TRIM2: variants seen among roughly 807,000 people sequenced by gnomAD.
TRIM2 encodes the protein tripartite motif containing 2, also known as tripartite motif-containing protein 2.
Under a neutral mutation model 75.2 loss-of-function variants are expected in TRIM2, and 20 were observed. The ratio of observed to expected loss-of-function variants is 0.27; its 90% CI spans 0.19 to 0.39. TRIM2 has a LOEUF of 0.39. TRIM2 is among the 10% of genes least tolerant of loss of function. The pLI is 1.00. For synonymous variants in TRIM2, 373 were observed against 388.3 expected (o/e 0.96, Z 0.46); for missense variants, 660 against 990.8 (o/e 0.67, Z 4.48).
chr4:153,170,135 G>T (rs1730695846), intron 1 of TRIM2, among the ~76,000 whole-genome samples: 1 of 152,122 alleles, frequency 6.6e-6, no homozygotes, highest in African/African-American at 2.4e-5. Flanking sequence ...AGAAGGAGAA[G>T]GAGGAGGAAG....
intron 3 of TRIM2, among the ~76,000 whole-genome samples, chr4:153,279,896 T>C (rs527532652): frequency 6.6e-6 from 1 of 151,040 alleles, no homozygotes; most frequent in East Asian, 1.9e-4. Flanking sequence ...TGAGCCAAGA[T>C]TGTGCCACTG....
intron 6 of TRIM2, among the ~76,000 whole-genome samples, chr4:153,305,762 C>A (rs954456285): frequency 6.6e-6 from 1 of 152,160 alleles, no homozygotes; most frequent in Non-Finnish European, 1.5e-5. Flanking sequence ...ACACAATAAC[C>A]CCTTAAAAGC....
At chr4:153,244,173 T>TCTGCTTCTGCTTCTG (rs1560872410) in intron 1 of TRIM2, among the ~76,000 whole-genome samples, 42 of 139,970 alleles carry the variant, frequency 3.0e-4, no homozygotes, top group African/African-American at 1.2e-3. Context: ...TTCTTCTTCT[T>TCTGCTTCTGCTTCTG]CTTCTTCTCC....
intron 1 of TRIM2, among the ~76,000 whole-genome samples, chr4:153,221,986 GGGAGA>G (rs1740486509): frequency 9.3e-5 from 5 of 53,630 alleles, no homozygotes; most frequent in Non-Finnish European, 1.5e-4. Context: ...AAGGAAGGAA[GGGAGA>G]GAGGAAGGAA....
upstream of TRIM2, among the ~76,000 whole-genome samples, chr4:153,202,991 G>T (rs1420171354): frequency 6.6e-6 from 1 of 151,004 alleles, no homozygotes; most frequent in Non-Finnish European, 1.5e-5. Context: ...TGTAGTCCCA[G>T]CTACTCAGGA....
At position 153,244,400 on chromosome 4, in the gene TRIM2, TTCTTCTTCTTCTTC is replaced by T. The variant is rs1560875027; in HGVS notation, c.31-25933_31-25920del. Among the ~76,000 whole-genome samples, 21 of 79,386 alleles carry T rather than the reference TTCTTCTTCTTCTTC, an allele frequency of 2.6e-4. 4 individuals are homozygous for T. The highest frequency in any genetic ancestry group is 1.5e-3 in the African/African-American group (18 of 11,796). 52.1% of individuals were successfully genotyped at this position (79,386 alleles called of 152,430 possible). On this transcript the variant is annotated intron_variant, in intron 1 of 11. Transcript: ENST00000338700. ...CTTCTTCTTCTTCTTCTTCTTCTTCTTCTTCTTCTTCTTCTTCTTCTTCTTCTTCTTCTTCTTTT... is the reference window on the plus strand; with the variant it reads ...CTTCTTCTTCTTCTTCTTCTTCTTCTTTCTTCTTCTTCTTCTTCTTCTTTT...
At chr4:153,289,844 A>G (rs1761469879) in intron 3 of TRIM2, among the ~76,000 whole-genome samples, 1 of 152,114 alleles carries the variant, frequency 6.6e-6, no homozygotes, top group Non-Finnish European at 1.5e-5. Flanking sequence ...TTGACTAAGC[A>G]CTGTTAATGT....
At chr4:153,221,665 A>AAGGGAGGAAGGTAAGGAAGGAAGGATGG (rs1176653140) in intron 1 of TRIM2, among the ~76,000 whole-genome samples, 1 of 151,738 alleles carries the variant, frequency 6.6e-6, no homozygotes, top group African/African-American at 2.4e-5. Flanking sequence ...CAGATGAAGG[A>AAGGGAGGAAGGTAAGGAAGGAAGGATGG]AGGGAGGAAG....
At chr4:153,329,588 C>A (rs1237170788) in intron 11 of TRIM2, among the ~76,000 whole-genome samples, 1 of 151,802 alleles carries the variant, frequency 6.6e-6, no homozygotes, top group African/African-American at 2.4e-5. Flanking sequence ...TTAATCCCAG[C>A]ACTTTGGGAG....
chr4:153,239,149 G>A (rs185440637), intron 1 of TRIM2, among the ~76,000 whole-genome samples: 16 of 152,190 alleles, frequency 1.1e-4, no homozygotes, highest in African/African-American at 3.1e-4. Flanking sequence ...TCAGATGATC[G>A]AGACCATCCT....
chr4:153,277,298 G>T (rs917337292), intron 3 of TRIM2, among the ~76,000 whole-genome samples: 16 of 152,144 alleles, frequency 1.1e-4, no homozygotes, highest in Non-Finnish European at 1.8e-4. Context: ...AATTTCTCCT[G>T]CACACAGCAG....
chr4:153,321,115 A>T (rs1394553457), intron 8 of TRIM2, among the ~76,000 whole-genome samples: 2 of 152,126 alleles, frequency 1.3e-5, no homozygotes, highest in South Asian at 4.1e-4. Context: ...TTCACTTCAC[A>T]TGCATTCTGA....
intron 10 of TRIM2, 82 bp downstream of exon 10, chr4:153,324,230 A>C (rs964546561): frequency 3.8e-5 from 45 of 1,188,014 alleles, no homozygotes; most frequent in Non-Finnish European, 5.3e-5. Context: ...TGCAATACTT[A>C]CATATGGCAC....
At chr4:153,271,261 G>A (rs1756608070) in intron 2 of TRIM2, among the ~76,000 whole-genome samples, 1 of 151,924 alleles carries the variant, frequency 6.6e-6, no homozygotes, top group South Asian at 2.1e-4. Context: ...AAATAAATAT[G>A]GTAATTGTGT....
At chr4:153,306,827 C>A (rs1015644574) in intron 6 of TRIM2, among the ~76,000 whole-genome samples, 1 of 152,208 alleles carries the variant, frequency 6.6e-6, no homozygotes, top group East Asian at 1.9e-4. Context: ...ATCAGAGCTC[C>A]CCTGGCCTCC....
chr4:153,295,188 C>A lies in TRIM2; in HGVS notation c.787-125C>A. The A allele has an allele frequency of 7.5e-7, 1 of 1,325,566 alleles. No homozygotes were observed. Among genetic ancestry groups the A allele is most frequent in the Non-Finnish European group, 1.0e-6 (1 of 999,818 alleles). 82.1% of individuals were successfully genotyped at this position (1,325,566 alleles called of 1,614,324 possible). On this transcript the variant is annotated intron_variant, in intron 5 of 11. Transcript: ENST00000338700. The surrounding 1 kb of genome is among the most constrained non-coding windows in gnomAD (Gnocchi z 7.2). ...GCACTGGGTTCCCTGGGTTGACAAA[C>A]ACCGCTTGCTCAGAGCCACCTGCGT...
intron 1 of TRIM2, among the ~76,000 whole-genome samples, chr4:153,164,680 C>T (rs1730109552): frequency 6.6e-6 from 1 of 152,186 alleles, no homozygotes; most frequent in South Asian, 2.1e-4. Flanking sequence ...CTTGGATATA[C>T]ATATACTACT....
chr4:153,267,147 G>C (rs1255799606), intron 1 of TRIM2: 1 of 151,098 alleles, frequency 6.6e-6, no homozygotes, highest in African/African-American at 2.4e-5. Context: ...TGTAAATATG[G>C]AGTATTTCCA....
chr4:153,300,080 T>C (rs1318773946), intron 6 of TRIM2, among the ~76,000 whole-genome samples: 1 of 152,250 alleles, frequency 6.6e-6, no homozygotes, highest in African/African-American at 2.4e-5. Flanking sequence ...CACCGAAAAT[T>C]TGTTTCTAAC....
Sources: allele counts gnomAD v4.1 joint callset (sites outside exome capture counted in the v4.1 genomes callset), GRCh38; gene constraint gnomAD v4.1.1; non-coding constraint Gnocchi (gnomAD v3.1); transcripts MANE v1.5; gene names NCBI Gene and HGNC (gene_info 2026-07-23, HGNC 2026-07-21).